PTPRD: variants seen among roughly 807,000 people sequenced by gnomAD.
PTPRD encodes receptor-type tyrosine-protein phosphatase delta.
In PTPRD, 34 loss-of-function variants were observed where a neutral mutation model predicts 214.5. The ratio of observed to expected loss-of-function variants is 0.16; its 90% CI spans 0.12 to 0.21. PTPRD has a LOEUF of 0.21. Among genes scored for constraint, PTPRD ranks in the 10% least tolerant of loss-of-function variants. The pLI is 1.00. For missense variants in PTPRD, 2,545 were observed against 2,398.7 expected, an observed-to-expected ratio of 1.06 and a Z score of -1.27; for synonymous variants, 1,128 against 845.7, an observed-to-expected ratio of 1.33 and a Z score of -5.79.
Position 10,479,654 on chromosome 9 carries a change from T to TAAAC in PTPRD, c.-600+132743_-600+132744insGTTT, listed in dbSNP as rs879309037. Among the ~76,000 whole-genome samples the TAAAC allele has an allele frequency of 4.9e-3, 313 of 64,204 alleles. 2 individuals are homozygous for TAAAC. The highest frequency in any genetic ancestry group is 0.016 in the Admixed American group (64 of 4,014). The allele number at this position is 64,204 out of a possible 152,430, so 42.1% of individuals were successfully genotyped here. ...ATAAATAAATAAATAAATAAATAAA[T>TAAAC]AAATAAACAAAAATACAAAAATTTG... is the stretch of plus-strand genomic sequence containing the variant. On this transcript the variant is annotated intron_variant, in intron 2 of 45. Coordinates refer to ENST00000381196, the MANE Select transcript of PTPRD (RefSeq NM_002839.4).
chr9:9,258,731 C>G (rs973192121), intron 9 of PTPRD, among the ~76,000 whole-genome samples: 2 of 151,832 alleles, frequency 1.3e-5, no homozygotes, highest in Admixed American at 1.3e-4. Flanking sequence ...TTACATTATA[C>G]AGCAGCATTC....
chr9:8,915,161 C>A (rs2098775902), intron 11 of PTPRD, among the ~76,000 whole-genome samples: 1 of 151,896 alleles, frequency 6.6e-6, no homozygotes, highest in African/African-American at 2.4e-5. Context: ...TCATTTTTAT[C>A]CTAAAAACAA....
intron 3 of PTPRD, among the ~76,000 whole-genome samples, chr9:10,151,512 C>T (rs371234308): frequency 1.3e-5 from 2 of 152,142 alleles, no homozygotes; most frequent in South Asian, 2.1e-4. Context: ...CCACCCACCT[C>T]GGCCTCCCAA....
intron 19 of PTPRD, 133 bp downstream of exon 19, chr9:8,523,380 G>C (rs1188305152): frequency 9.5e-7 from 1 of 1,049,970 alleles, no homozygotes; most frequent in East Asian, 2.6e-5. Context: ...CCATGGCCAG[G>C]GCATTCTCTG....
At chr9:9,361,504 G>C (rs1275548115) in intron 9 of PTPRD, among the ~76,000 whole-genome samples, 2 of 150,856 alleles carry the variant, frequency 1.3e-5, no homozygotes, top group Non-Finnish European at 3.0e-5. Context: ...TTTACTGCCA[G>C]ATTCAATTCT....
At chr9:9,547,845 T>C in intron 8 of PTPRD, among the ~76,000 whole-genome samples, 1 of 141,822 alleles carries the variant, frequency 7.1e-6, no homozygotes, top group Non-Finnish European at 1.5e-5. Flanking sequence ...GTCCAAGGCA[T>C]ATAATAAGCA....
chr9:9,701,270 T>A (rs1254374543), intron 7 of PTPRD, among the ~76,000 whole-genome samples: 1 of 152,164 alleles, frequency 6.6e-6, no homozygotes, highest in Non-Finnish European at 1.5e-5. Flanking sequence ...TGATGGTAGT[T>A]ATATCTCATA....
At chr9:10,028,936 G>A (rs1247590802) in intron 4 of PTPRD, among the ~76,000 whole-genome samples, 1 of 152,106 alleles carries the variant, frequency 6.6e-6, no homozygotes, top group African/African-American at 2.4e-5. Context: ...GCCATCACAG[G>A]CCCAGAAGCC....
At chr9:9,020,144 T>C (rs1387868215) in intron 10 of PTPRD, among the ~76,000 whole-genome samples, 2 of 152,202 alleles carry the variant, frequency 1.3e-5, no homozygotes, top group East Asian at 1.9e-4. Context: ...TTTAAAGGCA[T>C]ATACATGTGT....
At chr9:8,930,876 A>G (rs1393326599) in intron 11 of PTPRD, among the ~76,000 whole-genome samples, 6 of 151,990 alleles carry the variant, frequency 3.9e-5, no homozygotes, top group Non-Finnish European at 8.8e-5. Context: ...TTGTCAGATG[A>G]GTAGATTGCA....
intron 2 of PTPRD, among the ~76,000 whole-genome samples, chr9:10,447,525 G>C (rs1420651214): frequency 1.3e-5 from 2 of 151,956 alleles, no homozygotes; most frequent in Non-Finnish European, 2.9e-5. Flanking sequence ...TCATTCTTCA[G>C]ACCAAATTGC....
intron 7 of PTPRD, among the ~76,000 whole-genome samples, chr9:9,664,088 TAA>T (rs71319290): frequency 0.012 from 1,374 of 114,494 alleles, 12 homozygotes; most frequent in Admixed American, 0.016. Context: ...CACTCCTGTG[TAA>T]AAAAAAAAAA....
At chr9:10,205,476 GCTCACT>G (rs1157788432) in intron 3 of PTPRD, among the ~76,000 whole-genome samples, 8 of 151,534 alleles carry the variant, frequency 5.3e-5, no homozygotes, top group Non-Finnish European at 1.2e-4. Flanking sequence ...CCTGATCTTG[GCTCACT>G]GCAACCTCCA....
chr9:8,728,369 A>G (rs2098610518), intron 12 of PTPRD, among the ~76,000 whole-genome samples: 1 of 152,234 alleles, frequency 6.6e-6, no homozygotes, highest in South Asian at 2.1e-4. Context: ...TTTACTTTCT[A>G]AGAATTTTTG....
At chr9:10,428,866 C>T (rs1423533127) in intron 2 of PTPRD, among the ~76,000 whole-genome samples, 2 of 151,940 alleles carry the variant, frequency 1.3e-5, no homozygotes, top group Non-Finnish European at 2.9e-5. Flanking sequence ...ATACATGTAA[C>T]AGCATATAAG....
At chr9:9,350,672 T>A (rs1040683449) in intron 9 of PTPRD, among the ~76,000 whole-genome samples, 11 of 152,104 alleles carry the variant, frequency 7.2e-5, no homozygotes, top group African/African-American at 2.4e-4. Flanking sequence ...CAGAAAGGAA[T>A]CTGTGTGGCC....
chr9:9,071,928 G>A (rs2154410213), intron 10 of PTPRD, among the ~76,000 whole-genome samples: 1 of 152,266 alleles, frequency 6.6e-6, no homozygotes, highest in Non-Finnish European at 1.5e-5. Flanking sequence ...ACCTGTTTGT[G>A]TATAACACAT....
intron 11 of PTPRD, among the ~76,000 whole-genome samples, chr9:8,789,496 T>A (rs894695313): frequency 5.9e-5 from 9 of 152,314 alleles, no homozygotes; most frequent in African/African-American, 2.2e-4. Context: ...TAAGGCTGCA[T>A]CCCTGCCTTA....
intron 5 of PTPRD, among the ~76,000 whole-genome samples, chr9:9,896,215 A>G (rs761282121): frequency 1.3e-5 from 2 of 152,104 alleles, no homozygotes; most frequent in Non-Finnish European, 2.9e-5. Context: ...ACATACATAA[A>G]ATATGACTAT....
Sources: allele counts gnomAD v4.1 joint callset (sites outside exome capture counted in the v4.1 genomes callset), GRCh38; gene constraint gnomAD v4.1.1; transcripts MANE v1.5; gene names NCBI Gene and HGNC (gene_info 2026-07-23, HGNC 2026-07-21).